WDR1: variants seen among roughly 807,000 people sequenced by gnomAD.
WDR1 encodes WD repeat-containing protein 1.
Under a neutral mutation model 71.9 loss-of-function variants are expected in WDR1, and 21 were observed. The ratio of observed to expected loss-of-function variants is 0.29; its 90% CI spans 0.21 to 0.42. The LOEUF is 0.42. Among genes scored for constraint, WDR1 ranks in the 10% least tolerant of loss-of-function variants. WDR1 has a pLI of 1.00. For missense variants in WDR1, 696 were observed against 824.5 expected (o/e 0.84, Z 1.91); for synonymous variants, 424 against 347.4 (o/e 1.22, Z -2.45).
chr4:10,099,617 C>T (rs1390214663), intron 3 of WDR1, among the ~76,000 whole-genome samples: 1 of 152,284 alleles, frequency 6.6e-6, no homozygotes, highest in African/African-American at 2.4e-5. Context: ...GCAGTGACTT[C>T]TGGAAACGAG....
intron 5 of WDR1, chr4:10,092,606 C>T (rs1455848807): frequency 8.8e-6 from 2 of 227,864 alleles, no homozygotes; most frequent in Non-Finnish European, 1.8e-5. Context: ...AGCTCATCCC[C>T]ATCACCTTTT....
chr4:10,104,122 A>C, intron 2 of WDR1, 136 bp from the exon 3 acceptor site: 1 of 861,508 alleles, frequency 1.2e-6, no homozygotes, highest in Non-Finnish European at 1.9e-6. Context: ...AAACCGCAGA[A>C]GCATACCACT....
chr4:10,107,711 A>G lies in WDR1; in HGVS notation c.139-3725T>C, dbSNP rs114654168. 4.9e-3 allele frequency among the ~76,000 whole-genome samples: 750 copies of G among 152,338 alleles called. 8 individuals carry two copies. Among genetic ancestry groups the G allele is most frequent in the African/African-American group, 0.017 (708 of 41,586 alleles). On this transcript the variant is annotated intron_variant, in intron 2 of 14. Transcript: ENST00000499869. Reference sequence around the variant, plus strand: ...GGGATAAGACCTCGAGACAAGCCCCAGAATTCTGCCACCACCCCTGGAGGA... The same window carrying G: ...GGGATAAGACCTCGAGACAAGCCCCGGAATTCTGCCACCACCCCTGGAGGA...
At chr4:10,082,683 C>T (rs1431457759) in intron 10 of WDR1, among the ~76,000 whole-genome samples, 1 of 152,222 alleles carries the variant, frequency 6.6e-6, no homozygotes, top group Non-Finnish European at 1.5e-5. Context: ...CAGCCTGAGG[C>T]AGGCTCCACT....
chr4:10,100,932 G>T (rs986224879), intron 3 of WDR1, among the ~76,000 whole-genome samples: 1 of 152,196 alleles, frequency 6.6e-6, no homozygotes, highest in Non-Finnish European at 1.5e-5. Flanking sequence ...CTATGCTCAG[G>T]CCCATCCAGG....
chr4:10,078,411 G>A lies in WDR1; in HGVS notation c.1395+480C>T, dbSNP rs555224978. On this transcript the variant is annotated intron_variant, in intron 12 of 14. Coordinates refer to ENST00000499869, the MANE Select transcript of WDR1 (RefSeq NM_017491.5). Reference sequence around the variant, plus strand: ...AATTCAAGGGCATGAGAATTATGCCGAGGCAGAACTCAAGGGAAACTGTAA... The same window carrying A: ...AATTCAAGGGCATGAGAATTATGCCAAGGCAGAACTCAAGGGAAACTGTAA... 2.6e-5 allele frequency among the ~76,000 whole-genome samples: 4 copies of A among 152,326 alleles called. No individual in the cohort carries two copies. In the East Asian group the frequency reaches 5.8e-4, roughly 22 times the overall value.
intron 3 of WDR1, 70 bp from the exon 4 acceptor site, chr4:10,099,209 G>A (rs1712545957): frequency 7.5e-6 from 10 of 1,337,558 alleles, no homozygotes; most frequent in East Asian, 2.5e-5. Context: ...AGAGCCACAG[G>A]TCACTGCCGG....
chr4:10,089,763 C>T (rs750122527), intron 5 of WDR1, among the ~76,000 whole-genome samples: 4 of 152,362 alleles, frequency 2.6e-5, no homozygotes, highest in Middle Eastern at 3.4e-3. Flanking sequence ...TAAGCTGCCC[C>T]GCGCTCTAAG....
intron 2 of WDR1, among the ~76,000 whole-genome samples, chr4:10,108,057 C>T (rs1162484611): frequency 6.6e-6 from 1 of 152,120 alleles, no homozygotes; most frequent in South Asian, 2.1e-4. Context: ...TAAACATACT[C>T]CCCCCCGGCA....
intron 2 of WDR1, among the ~76,000 whole-genome samples, chr4:10,114,578 T>G (rs1713593635): frequency 6.6e-6 from 1 of 152,228 alleles, no homozygotes. Context: ...AAACGAAATA[T>G]CCTACTGCTC....
At chr4:10,077,954 C>T (rs1178526543) in intron 12 of WDR1, 28 bp from the exon 13 acceptor site, 4 of 1,578,924 alleles carry the variant, frequency 2.5e-6, no homozygotes, top group Non-Finnish European at 3.4e-6. Context: ...AGGAAGTGAG[C>T]CACCCCTGAA....
At chr4:10,075,656 C>T in intron 14 of WDR1, 172 bp from the exon 15 acceptor site, 1 of 646,478 alleles carries the variant, frequency 1.5e-6, no homozygotes, top group South Asian at 1.8e-5. Flanking sequence ...CTGAATTCTC[C>T]ACGTGACACT....
intron 5 of WDR1, among the ~76,000 whole-genome samples, chr4:10,091,107 C>A (rs1197241503): frequency 6.6e-6 from 1 of 152,266 alleles, no homozygotes; most frequent in Non-Finnish European, 1.5e-5. Context: ...ACAAGGCGTG[C>A]AGTACCCAGG....
intron 5 of WDR1, chr4:10,092,735 GC>G (rs1401639695): frequency 3.7e-6 from 1 of 267,898 alleles, no homozygotes; most frequent in African/African-American, 2.2e-5. Context: ...GCTAAAAATA[GC>G]CCTTTCCACA....
chr4:10,107,351 C>T (rs1322261860), intron 2 of WDR1, among the ~76,000 whole-genome samples: 1 of 152,232 alleles, frequency 6.6e-6, no homozygotes, highest in Non-Finnish European at 1.5e-5. Context: ...ATGCAGTCCT[C>T]CTGTTCTTCC....
intron 5 of WDR1, chr4:10,096,727 T>A (rs1391073057): frequency 6.6e-6 from 1 of 152,210 alleles, no homozygotes; most frequent in Non-Finnish European, 1.5e-5. Context: ...TGCTCCTCAC[T>A]GAGCCACTTT....
chr4:10,116,760 TG>T lies in WDR1; in HGVS notation c.-95del. On this transcript the variant is annotated 5_prime_UTR_variant, in exon 1 of 15. Transcript: ENST00000499869. ...CCTCGCCGAGGCCGAGCCCGGGGAC[TG>T]GAGCCGGAAGGCGGCACCGGGCGTG... The T allele has an allele frequency of 8.1e-7, 1 of 1,233,712 alleles. No homozygotes were observed. Among genetic ancestry groups the T allele is most frequent in the Non-Finnish European group, 1.0e-6 (1 of 982,566 alleles). The allele number at this position is 1,233,712 out of a possible 1,614,324, so 76.4% of individuals were successfully genotyped here.
chr4:10,077,725 G>C (rs770701928), intron 13 of WDR1, 28 bp downstream of exon 13: 20 of 1,544,866 alleles, frequency 1.3e-5, no homozygotes, highest in Non-Finnish European at 1.7e-5. Flanking sequence ...CCAGCACGGG[G>C]ACAGAGGAGG....
chr4:10,095,648 G>A (rs1160303067), intron 5 of WDR1, among the ~76,000 whole-genome samples: 1 of 152,220 alleles, frequency 6.6e-6, no homozygotes, highest in Non-Finnish European at 1.5e-5. Flanking sequence ...GCAGGTGTGG[G>A]GTCCCTGAGC....
Sources: gnomAD v4.1 joint callset for allele counts (sites outside exome capture counted in the v4.1 genomes callset) on GRCh38, gnomAD v4.1.1 for gene constraint, MANE v1.5 for transcripts, NCBI Gene and HGNC (gene_info 2026-07-23, HGNC 2026-07-21) for gene names.